The following HPS4 variants were observed in gnomAD, a reference collection of about 807,000 sequenced individuals.
The protein encoded by HPS4 is BLOC-3 complex member HPS4.
HPS4 carries 44 observed loss-of-function variants against 70.3 expected under a neutral mutation model. The observed-to-expected ratio is 0.63, with a 90% CI of 0.49 to 0.80. The LOEUF is 0.80. Among genes scored for constraint, HPS4 ranks in the 30% least tolerant of loss-of-function variants. HPS4 has a pLI of 0.00. For missense variants in HPS4, 873 were observed against 884.4 expected (o/e 0.99, Z 0.16); for synonymous variants, 377 against 355.9 (o/e 1.06, Z -0.67).
Position 26,477,060 on chromosome 22 carries a change from G to C in HPS4, c.209C>G (p.Ser70Cys). The C allele has an allele frequency of 6.2e-7, 1 of 1,614,130 alleles. No individual in the cohort carries two copies. The highest frequency in any genetic ancestry group is 8.5e-7 in the Non-Finnish European group (1 of 1,179,972). Residue 70 changes from serine (S) to cysteine (C), a missense_variant, in exon 4 of 14, where the codon TCT becomes TGT. Ser to Cys is a moderately radical substitution (Grantham distance 112). Coordinates refer to ENST00000398145, the MANE Select transcript of HPS4 (RefSeq NM_022081.6). Reference protein sequence around the residue: ...VVRCVSDISDSPPTLVRLRKL... With the variant: ...VVRCVSDISDCPPTLVRLRKL... ...TCTCAGACGAACAAGAGTAGGAGGAGAGTCAGAAATGTCAGAAACACAGCG... is the reference window on the plus strand; with the variant it reads ...TCTCAGACGAACAAGAGTAGGAGGACAGTCAGAAATGTCAGAAACACAGCG...
rs778332651 is a variant in HPS4 at position 26,452,309 on chromosome 22, T to A, written c.*924A>T. 28 of 456,050 alleles carry A rather than the reference T, an allele frequency of 6.1e-5. No homozygotes were observed. Among genetic ancestry groups the A allele is most frequent in the African/African-American group, 5.4e-4 (27 of 49,980 alleles). The allele number at this position is 456,050 out of a possible 1,614,324, so 28.3% of individuals were successfully genotyped here. A position where few individuals can be genotyped will look rare whatever the true frequency, so the allele number is the denominator to read the frequency against. On this transcript the variant is annotated 3_prime_UTR_variant, in exon 14 of 14. Transcript: ENST00000398145. ...AGTCTGTCTCATACTGTCAAAAAAA[T>A]GTCTGACTATAACGTAATAGAACTG...
In HPS4 at chr22:26,464,002, A is replaced by T; in HGVS notation, c.1628T>A (p.Leu543His). The T allele has an allele frequency of 6.2e-7, 1 of 1,614,232 alleles. No individual in the cohort carries two copies. The highest frequency in any genetic ancestry group is 8.5e-7 in the Non-Finnish European group (1 of 1,180,040). Residue 543 changes from leucine to histidine, a missense_variant, in exon 11 of 14, where the codon CTC becomes CAC. Physicochemically the swap from Leu to His is moderately conservative, Grantham distance 99. Transcript: ENST00000398145. ...ESCMGLVRMNLYTHCVKGLVL... is the reference protein window; with the variant it reads ...ESCMGLVRMNHYTHCVKGLVL... ...CAGCCCTTTGACGCAGTGAGTGTAG[A>T]GATTCATCCTCACGAGCCCCATGCA...
chr22:26,448,024 C>T (rs5752326), downstream of HPS4, among the ~76,000 whole-genome samples: 134,395 of 152,246 alleles, frequency 0.88, 59,865 homozygotes, highest in Non-Finnish European at 0.95. Context: ...GAGCGGGCAG[C>T]TGACATGAAC....
chr22:26,472,261 A>C (rs1300308699), intron 6 of HPS4, 41 bp downstream of exon 6: 1 of 1,149,630 alleles, frequency 8.7e-7, no homozygotes, highest in South Asian at 1.2e-5. Context: ...CAGAAGCCCT[A>C]GTCTTACATA....
chr22:26,465,465 G>A lies in HPS4; in HGVS notation c.793C>T (p.Gln265Ter). ...TGTGCACTCCATTACCTTGTCATCT[G>A]TTCCACCGGGAACTCGTGGAGACTA... ...AISLHEFPVE[Q>*]MTRSLASPAG... The change falls in exon 10 of 14, where the codon CAG (glutamine) becomes TAG (stop). Residue 265 changes from glutamine to a stop codon, truncating the protein, a stop_gained. Coordinates refer to ENST00000398145, the MANE Select transcript of HPS4 (RefSeq NM_022081.6). LOFTEE classifies it high-confidence loss of function. 6.2e-7 allele frequency: 1 copy of A among 1,610,226 alleles called. No homozygotes were observed. The highest frequency in any genetic ancestry group is 8.5e-7 in the Non-Finnish European group (1 of 1,176,454).
intron 2 of HPS4, chr22:26,479,731 T>C (rs950759838): frequency 2.9e-6 from 3 of 1,031,624 alleles, no homozygotes; most frequent in African/African-American, 1.7e-5. Flanking sequence ...AGGGATGTAT[T>C]AGATGCACTC....
rs377095634 is a variant in HPS4, at chr22:26,464,519, C to T, written c.1111G>A (p.Glu371Lys). The T allele has an allele frequency of 9.9e-6, 16 of 1,614,102 alleles. No individual in the cohort carries two copies. In the African/African-American group the frequency reaches 2.1e-4, roughly 22 times the overall value. Residue 371 changes from glutamate (E) to lysine (K), a missense_variant, in exon 11 of 14, where the codon GAA (glutamate) becomes AAA (lysine). By Grantham distance (56) the Glu-to-Lys change is moderately conservative (BLOSUM62 1). Coordinates refer to ENST00000398145, the MANE Select transcript of HPS4 (RefSeq NM_022081.6). ...VFLQEELDLS[E>K]IHIPEAQEVE... ...TCCTGAGCCTCTGGAATGTGGATTT[C>T]AGACAAGTCGAGTTCTTCTTGGAGA...
At chr22:26,478,763 C>T (rs1007454539) in intron 3 of HPS4, among the ~76,000 whole-genome samples, 24 of 43,602 alleles carry the variant, frequency 5.5e-4, no homozygotes, top group African/African-American at 1.0e-3. Context: ...CTGCTCACTG[C>T]AACTCTGCCT....
chr22:26,469,702 G>T (rs118154988), intron 7 of HPS4, among the ~76,000 whole-genome samples: 2 of 55,288 alleles, frequency 3.6e-5, no homozygotes, highest in Admixed American at 1.5e-4. Context: ...AAAAAAAAAA[G>T]AAAAAAAAAT....
downstream of HPS4, among the ~76,000 whole-genome samples, chr22:26,447,311 G>T (rs529246548): frequency 2.0e-3 from 312 of 152,332 alleles, no homozygotes; most frequent in Middle Eastern, 0.024. Flanking sequence ...AGGCAAGCGG[G>T]GCCTGCGCTG....
At chr22:26,466,340 C>T in intron 8 of HPS4, 78 bp from the exon 9 acceptor site, 2 of 1,524,702 alleles carry the variant, frequency 1.3e-6, no homozygotes, top group Non-Finnish European at 1.8e-6. Flanking sequence ...ATTTGCTGTG[C>T]CATCTGTTCA....
At chr22:26,449,043 G>T (rs1366935266), downstream of HPS4, among the ~76,000 whole-genome samples, 1 of 152,136 alleles carries the variant, frequency 6.6e-6, no homozygotes, top group Non-Finnish European at 1.5e-5. Context: ...CAGGCTGAGA[G>T]TATTAGTGTG....
At position 26,465,512 on chromosome 22, in the gene HPS4, A is replaced by G. The variant is rs1448938636; in HGVS notation, c.746T>C (p.Phe249Ser). ...ACTAATGGCTTCCTCTTTGGTCACA[A>G]AAACAGGGATAATCTGGACATTCGG... is the stretch of plus-strand genomic sequence containing the variant. ...LPPNVQIIPV[F>S]VTKEEAISLH... The change falls in exon 10 of 14, where the codon TTT becomes TCT. Residue 249 changes from phenylalanine to serine, a missense_variant. Coordinates refer to ENST00000398145, the MANE Select transcript of HPS4 (RefSeq NM_022081.6). 5 of 1,614,076 alleles carry G rather than the reference A, an allele frequency of 3.1e-6. No homozygotes were observed. The highest frequency in any genetic ancestry group is 1.6e-4 in the Middle Eastern group (1 of 6,084).
At chr22:26,483,424 G>A (rs1451706718) in intron 1 of HPS4, among the ~76,000 whole-genome samples, 1 of 152,218 alleles carries the variant, frequency 6.6e-6, no homozygotes, top group Non-Finnish European at 1.5e-5. Context: ...TGTGGGAAGG[G>A]GCCTCAGTGG....
chr22:26,450,061 C>A (rs56146300), downstream of HPS4, among the ~76,000 whole-genome samples: 615 of 152,322 alleles, frequency 4.0e-3, 2 homozygotes, highest in Non-Finnish European at 7.1e-3. Context: ...GTAACCTCCC[C>A]CTGCCCCTCT....
chr22:26,476,424 C>G lies in HPS4; in HGVS notation c.276+569G>C, dbSNP rs1008534795. The G allele has an allele frequency of 1.6e-4, 25 of 153,134 alleles. 1 individual carries two copies. The highest frequency in any genetic ancestry group is 5.3e-4 in the African/African-American group (22 of 41,230). The allele number at this position is 153,134 out of a possible 1,614,324, so 9.5% of individuals were successfully genotyped here. ...AGCGTGCAGTGGCAATCATGGCTCA[C>G]TGCAGCCTGAAACTCCTAAGCTCAA... On this transcript the variant is annotated intron_variant, in intron 4 of 13. Transcript: ENST00000398145.
downstream of HPS4, chr22:26,443,185 C>T (rs1601708915): frequency 6.2e-7 from 1 of 1,614,142 alleles, no homozygotes; most frequent in Non-Finnish European, 8.5e-7. Flanking sequence ...CTCTTGATTT[C>T]ATCTTTGCTC....
intron 9 of HPS4, 41 bp from the exon 10 acceptor site, chr22:26,465,592 C>G (rs868498280): frequency 6.5e-7 from 1 of 1,528,654 alleles, no homozygotes; most frequent in Middle Eastern, 1.7e-4. Context: ...TTCCCCTGAG[C>G]CAGAGAGGGC....
chr22:26,476,862 G>T, intron 4 of HPS4, 131 bp downstream of exon 4: 1 of 942,358 alleles, frequency 1.1e-6, no homozygotes, highest in Non-Finnish European at 1.7e-6. Context: ...GGAAGCGAGG[G>T]TGATTACTAA....
Sources: allele counts gnomAD v4.1 joint callset (sites outside exome capture counted in the v4.1 genomes callset), GRCh38; gene constraint gnomAD v4.1.1; transcripts MANE v1.5; gene names NCBI Gene and HGNC (gene_info 2026-07-23, HGNC 2026-07-21).